RNF34: variants seen among roughly 807,000 people sequenced by gnomAD.
RNF34 encodes the protein ring finger protein 34, also known as E3 ubiquitin-protein ligase RNF34.
RNF34 carries 12 observed loss-of-function variants against 37.9 expected under a neutral mutation model. That is an observed-to-expected ratio of 0.32 (90% confidence interval 0.20 to 0.51). The LOEUF is 0.51. Ranked by LOEUF, RNF34 falls within the 20% of genes least tolerant of loss-of-function variation. RNF34 has a pLI of 0.97. For missense variants in RNF34, 362 were observed against 472.7 expected (o/e 0.77, Z 2.17); for synonymous variants, 155 against 177.2 (o/e 0.87, Z 1.00).
chr12:121,401,122 C>T (rs576321768), intron 1 of RNF34, among the ~76,000 whole-genome samples: 1 of 152,112 alleles, frequency 6.6e-6, no homozygotes, highest in East Asian at 1.9e-4. Context: ...TAGATTAACG[C>T]TGTCTCCATA....
chr12:121,417,808 G>A lies in RNF34; in HGVS notation c.530G>A (p.Arg177His), dbSNP rs41507449. ...TCCCAGACTTCTAGCTTTTTTACAC[G>A]TTCGTTTTTTTCAAACTATACAGCC... ...SRSQTSSFFTRSFFSNYTAPS... is the reference protein window; with the variant it reads ...SRSQTSSFFTHSFFSNYTAPS... Residue 177 changes from arginine (R) to histidine (H), a missense_variant, in exon 3 of 6, where the codon CGT becomes CAT. Physicochemically the swap from Arg to His is conservative, Grantham distance 29 (BLOSUM62 0). Coordinates refer to ENST00000361234, the MANE Select transcript of RNF34 (RefSeq NM_025126.4). The surrounding 1 kb of genome is among the most constrained non-coding windows in gnomAD (Gnocchi z 5.0). The A allele has an allele frequency of 1.5e-3, 2,385 of 1,614,086 alleles. 37 individuals are homozygous for A. In the Admixed American group the frequency reaches 0.029, roughly 19 times the overall value.
intron 1 of RNF34, among the ~76,000 whole-genome samples, chr12:121,412,350 C>T (rs1194201365): frequency 6.6e-6 from 1 of 151,306 alleles, no homozygotes; most frequent in Admixed American, 6.6e-5. Flanking sequence ...CGCCATTCTC[C>T]CACCTTAGCC....
intron 3 of RNF34, 40 bp from the exon 4 acceptor site, chr12:121,420,202 A>C: frequency 3.8e-6 from 6 of 1,594,206 alleles, no homozygotes; most frequent in Non-Finnish European, 5.2e-6. Flanking sequence ...ATAAATACAG[A>C]TTGATTCCTG....
intron 3 of RNF34, chr12:121,418,519 T>A (rs935284733): frequency 6.6e-6 from 1 of 152,306 alleles, no homozygotes; most frequent in South Asian, 2.1e-4. Flanking sequence ...TTTGAACAAA[T>A]TTTTTCACGC....
At chr12:121,411,092 C>A (rs539222818) in intron 1 of RNF34, among the ~76,000 whole-genome samples, 16 of 152,248 alleles carry the variant, frequency 1.1e-4, no homozygotes, top group African/African-American at 3.1e-4. Flanking sequence ...TGCCACCACA[C>A]CTGGCTAATT....
At chr12:121,408,267 C>T (rs903905400) in intron 1 of RNF34, among the ~76,000 whole-genome samples, 1 of 152,052 alleles carries the variant, frequency 6.6e-6, no homozygotes, top group African/African-American at 2.4e-5. Context: ...ATGGTGAAAC[C>T]CCGTCTCTAC....
intron 1 of RNF34, among the ~76,000 whole-genome samples, chr12:121,407,632 A>T (rs1555280837): frequency 6.6e-6 from 1 of 152,272 alleles, no homozygotes; most frequent in Non-Finnish European, 1.5e-5. Context: ...AAGATGCTTC[A>T]ATCTTACTAT....
At chr12:121,400,315 A>C in intron 1 of RNF34, 97 bp downstream of exon 1, 1 of 1,417,278 alleles carries the variant, frequency 7.1e-7, no homozygotes, top group Non-Finnish European at 9.6e-7. Context: ...GCGGTTACCT[A>C]GTCGTCATCT....
intron 1 of RNF34, among the ~76,000 whole-genome samples, chr12:121,402,320 GT>G (rs1207723485): frequency 3.9e-5 from 6 of 152,034 alleles, no homozygotes; most frequent in African/African-American, 1.4e-4. Context: ...AAGTTAAGCA[GT>G]TAAAAATAAA....
At chr12:121,420,470 T>C (rs1872030730) in intron 4 of RNF34, 107 bp from the exon 5 acceptor site, 7 of 1,567,234 alleles carry the variant, frequency 4.5e-6, no homozygotes, top group Non-Finnish European at 6.1e-6. Context: ...GAAACACTTC[T>C]AGGACTGCTG....
Position 121,423,471 on chromosome 12 carries a change from G to A in RNF34, c.1014G>A (p.Leu338=). Reference sequence around the variant, plus strand: ...ATGCCGTCATCGACTGTGTCCTACTGGAGTGTGGGCACATGGTTACCTGCA... The same window carrying A: ...ATGCCGTCATCGACTGTGTCCTACTAGAGTGTGGGCACATGGTTACCTGCA... ...CMDAVIDCVL[L]ECGHMVTCTK... is the part of the protein sequence containing the mutation. The change falls in exon 6 of 6, where the codon CTG becomes CTA. Residue 338 remains leucine (L), a synonymous_variant. Coordinates refer to ENST00000361234, the MANE Select transcript of RNF34 (RefSeq NM_025126.4). This position sits in a 1 kb window ranked among gnomAD's most constrained non-coding sequence, Gnocchi z 4.3. The A allele has an allele frequency of 6.2e-7, 1 of 1,613,826 alleles. No individual in the cohort carries two copies. The highest frequency in any genetic ancestry group is 8.5e-7 in the Non-Finnish European group (1 of 1,179,808).
At chr12:121,406,283 A>AGTAGTTGTTGTTGTT (rs1555280670) in intron 1 of RNF34, among the ~76,000 whole-genome samples, 1 of 150,492 alleles carries the variant, frequency 6.6e-6, no homozygotes, top group Non-Finnish European at 1.5e-5. Context: ...GGAATGTGTA[A>AGTAGTTGTTGTTGTT]GTTGTTGTTG....
intron 5 of RNF34, among the ~76,000 whole-genome samples, chr12:121,421,423 C>T (rs1872152186): frequency 6.8e-6 from 1 of 147,088 alleles, no homozygotes; most frequent in Non-Finnish European, 1.5e-5. Flanking sequence ...TGTGGTGGCA[C>T]CAGCCTGTGG....
Position 121,424,026 on chromosome 12 carries a change from A to C in RNF34, c.*450A>C, listed in dbSNP as rs1359721626. ...TGAGCAGTGGCTCCTCTGAATGTTC[A>C]CTTTATTAGTCATGTATATTTTAAA... On this transcript the variant is annotated 3_prime_UTR_variant, in exon 6 of 6. Coordinates refer to ENST00000361234, the MANE Select transcript of RNF34 (RefSeq NM_025126.4). 1.3e-5 allele frequency: 2 copies of C among 154,960 alleles called. No homozygotes were observed. The highest frequency in any genetic ancestry group is 1.9e-4 in the East Asian group (1 of 5,266). 9.6% of individuals were successfully genotyped at this position (154,960 alleles called of 1,614,324 possible). A position where few individuals can be genotyped will look rare whatever the true frequency, so the allele number is the denominator to read the frequency against.
intron 1 of RNF34, among the ~76,000 whole-genome samples, chr12:121,402,011 G>A (rs1870040684): frequency 6.6e-6 from 1 of 152,160 alleles, no homozygotes; most frequent in Non-Finnish European, 1.5e-5. Context: ...TATTGAAATT[G>A]TTTAATTGTG....
chr12:121,407,442 G>A (rs1057210915), intron 1 of RNF34, among the ~76,000 whole-genome samples: 1 of 152,192 alleles, frequency 6.6e-6, no homozygotes, highest in Non-Finnish European at 1.5e-5. Flanking sequence ...GTGGGGGTAT[G>A]CCTAGTATAC....
In RNF34 at chr12:121,420,903, C is replaced by G. The variant is rs558920463; in HGVS notation, c.928+125C>G. The G allele has an allele frequency of 2.2e-5, 15 of 687,610 alleles. No homozygotes were observed. In the Admixed American group the frequency reaches 3.4e-4, roughly 16 times the overall value. The allele number at this position is 687,610 out of a possible 1,614,324, so 42.6% of individuals were successfully genotyped here. A position where few individuals can be genotyped will look rare whatever the true frequency, so the allele number is the denominator to read the frequency against. On this transcript the variant is annotated intron_variant, in intron 5 of 5. Coordinates refer to ENST00000361234, the MANE Select transcript of RNF34 (RefSeq NM_025126.4). ...AGCTGTGTACCATTTTACTGAGTAT[C>G]AGTTAGTTACATGAGCCTGTTTATA...
chr12:121,419,925 GAC>G (rs1441125286), intron 3 of RNF34: 11 of 190,914 alleles, frequency 5.8e-5, no homozygotes, highest in African/African-American at 2.1e-4. Context: ...CTTTGATAAT[GAC>G]ACAGTGCTGT....
At chr12:121,421,697 A>T (rs781904596) in intron 5 of RNF34, among the ~76,000 whole-genome samples, 12 of 152,178 alleles carry the variant, frequency 7.9e-5, no homozygotes, top group African/African-American at 1.4e-4. Flanking sequence ...TTGTAAAAAA[A>T]ATATATATGT....
Sources: allele counts gnomAD v4.1 joint callset (sites outside exome capture counted in the v4.1 genomes callset), GRCh38; gene constraint gnomAD v4.1.1; non-coding constraint Gnocchi (gnomAD v3.1); transcripts MANE v1.5; gene names NCBI Gene and HGNC (gene_info 2026-07-23, HGNC 2026-07-21).